DOCK3: variants seen among roughly 807,000 people sequenced by gnomAD.
DOCK3 encodes the protein dedicator of cytokinesis 3.
DOCK3 carries 60 observed loss-of-function variants against 265.6 expected under a neutral mutation model. That is an observed-to-expected ratio of 0.23 (90% CI 0.18 to 0.28). DOCK3 has a LOEUF of 0.28. Among genes scored for constraint, DOCK3 ranks in the 10% least tolerant of loss-of-function variants. The pLI is 1.00. For missense variants in DOCK3, 1,981 were observed against 2,594.3 expected, an observed-to-expected ratio of 0.76 and a Z score of 5.14; for synonymous variants, 881 against 938.0, an observed-to-expected ratio of 0.94 and a Z score of 1.11.
intron 3 of DOCK3, among the ~76,000 whole-genome samples, chr3:50,849,021 A>G (rs564177676): frequency 5.3e-5 from 8 of 151,770 alleles, no homozygotes; most frequent in Admixed American, 1.3e-4. Context: ...TTTTGTCTGG[A>G]TGAGCTCAAA....
At chr3:51,256,915 G>A (rs1283635984) in intron 22 of DOCK3, among the ~76,000 whole-genome samples, 1 of 152,204 alleles carries the variant, frequency 6.6e-6, no homozygotes, top group Non-Finnish European at 1.5e-5. Flanking sequence ...GGGCTTTTAA[G>A]GAACCAAAAG....
chr3:51,247,990 G>A (rs142824183), intron 22 of DOCK3, among the ~76,000 whole-genome samples: 35 of 152,144 alleles, frequency 2.3e-4, no homozygotes, highest in African/African-American at 5.8e-4. Context: ...TAAGGATACC[G>A]GAGAAGGCAG....
chr3:51,360,572 A>G lies in DOCK3; in HGVS notation c.4946A>G (p.Asn1649Ser). The G allele has an allele frequency of 1.2e-6, 2 of 1,613,690 alleles. No homozygotes were observed. The highest frequency in any genetic ancestry group is 1.6e-4 in the Middle Eastern group (1 of 6,062). Residue 1649 changes from asparagine to serine, a missense_variant, in exon 47 of 53, where the codon AAT (asparagine) becomes AGT (serine). By Grantham distance (46) the Asn-to-Ser change is conservative. Coordinates refer to ENST00000266037, the MANE Select transcript of DOCK3 (RefSeq NM_004947.5). The part of the protein sequence containing the change: ...ACSGTSTPRG[N>S]VLASHSPMSP... ...TCAGGCACCAGCACCCCACGGGGAA[A>G]TGTTCTGGCATCCCATAGCCCCATG...
At chr3:51,329,900 C>T (rs2084404864) in intron 32 of DOCK3, among the ~76,000 whole-genome samples, 1 of 152,120 alleles carries the variant, frequency 6.6e-6, no homozygotes, top group South Asian at 2.1e-4. Context: ...GGAAAGAGTA[C>T]CTGAGACTTT....
intron 24 of DOCK3, among the ~76,000 whole-genome samples, chr3:51,271,318 C>G (rs1178236555): frequency 6.6e-6 from 1 of 152,182 alleles, no homozygotes; most frequent in East Asian, 1.9e-4. Context: ...AGCAAACTTT[C>G]TCATAGTTCT....
At chr3:50,838,795 A>T (rs140779877) in intron 2 of DOCK3, among the ~76,000 whole-genome samples, 71 of 152,348 alleles carry the variant, frequency 4.7e-4, no homozygotes, top group African/African-American at 1.7e-3. Context: ...TTTGGTTCAT[A>T]TGTAAGAAAC....
intron 32 of DOCK3, 137 bp from the exon 33 acceptor site, chr3:51,330,000 TA>T (rs2084410661): frequency 9.7e-6 from 8 of 824,884 alleles, no homozygotes; most frequent in Middle Eastern, 2.3e-4. Context: ...GGTAAAATAC[TA>T]CCTTCCCTGG....
chr3:50,968,554 T>A (rs2077100358), intron 5 of DOCK3, among the ~76,000 whole-genome samples: 1 of 98,728 alleles, frequency 1.0e-5, no homozygotes, highest in African/African-American at 3.4e-5. Flanking sequence ...ATGATTTCAA[T>A]TTTTTTTTTT....
At chr3:50,868,977 C>CTTT (rs71633040) in intron 3 of DOCK3, among the ~76,000 whole-genome samples, 2 of 73,566 alleles carry the variant, frequency 2.7e-5, no homozygotes, top group Admixed American at 3.2e-4. Flanking sequence ...AAAACCAACT[C>CTTT]TTTTTTTTTT....
chr3:51,129,216 C>T (rs2084401102), intron 9 of DOCK3, among the ~76,000 whole-genome samples: 1 of 152,224 alleles, frequency 6.6e-6, no homozygotes, highest in African/African-American at 2.4e-5. Context: ...CAGTTCTGCC[C>T]ACTGGGAAAA....
chr3:51,059,504 C>A (rs1251129698), intron 5 of DOCK3, among the ~76,000 whole-genome samples: 1 of 151,144 alleles, frequency 6.6e-6, no homozygotes. Flanking sequence ...CCCCACATCC[C>A]ACATTACTTT....
chr3:51,115,870 A>C (rs2083712899), intron 9 of DOCK3, among the ~76,000 whole-genome samples: 1 of 152,190 alleles, frequency 6.6e-6, no homozygotes, highest in African/African-American at 2.4e-5. Context: ...ATGGCTAGCC[A>C]GTTTTCACAA....
chr3:51,016,644 T>TA (rs1559944837), intron 5 of DOCK3, among the ~76,000 whole-genome samples: 4 of 15,632 alleles, frequency 2.6e-4, no homozygotes, highest in African/African-American at 3.9e-4. Context: ...ATGATATATA[T>TA]TTATATGTTT....
At chr3:51,113,609 C>A (rs2083612296) in intron 9 of DOCK3, among the ~76,000 whole-genome samples, 1 of 152,172 alleles carries the variant, frequency 6.6e-6, no homozygotes, top group Non-Finnish European at 1.5e-5. Context: ...GACACTGAGA[C>A]ACTGCAAGAC....
chr3:51,127,071 T>G (rs2084297392), intron 9 of DOCK3, among the ~76,000 whole-genome samples: 1 of 152,156 alleles, frequency 6.6e-6, no homozygotes, highest in Admixed American at 6.5e-5. Context: ...ACTGAATAAC[T>G]TGGAGTCCCA....
intron 5 of DOCK3, among the ~76,000 whole-genome samples, chr3:50,970,948 A>ATAT (rs1559878922): frequency 1.9e-5 from 1 of 51,756 alleles, no homozygotes; most frequent in Non-Finnish European, 3.4e-5. Context: ...TATATATATA[A>ATAT]TGTGTGTGTG....
chr3:50,868,308 G>A (rs1363433768), intron 3 of DOCK3, among the ~76,000 whole-genome samples: 2 of 151,988 alleles, frequency 1.3e-5, no homozygotes, highest in Admixed American at 1.3e-4. Context: ...TCCTAACCTC[G>A]TGATCCGCCC....
chr3:50,725,995 T>A (rs2037800331), intron 1 of DOCK3, among the ~76,000 whole-genome samples: 1 of 152,200 alleles, frequency 6.6e-6, no homozygotes, highest in African/African-American at 2.4e-5. Context: ...ATATAAAAAT[T>A]CAATGTTGCT....
chr3:50,807,643 A>G (rs992243271), intron 2 of DOCK3, among the ~76,000 whole-genome samples: 1 of 152,236 alleles, frequency 6.6e-6, no homozygotes, highest in Non-Finnish European at 1.5e-5. Flanking sequence ...GGAAAAGTTG[A>G]AATAATCATA....
Sources: allele counts gnomAD v4.1 joint callset (sites outside exome capture counted in the v4.1 genomes callset), GRCh38; gene constraint gnomAD v4.1.1; transcripts MANE v1.5; gene names NCBI Gene and HGNC (gene_info 2026-07-23, HGNC 2026-07-21).